The following MYO15B variants were observed in gnomAD, a reference collection of about 807,000 sequenced individuals.
MYO15B encodes myosin XVB.
In MYO15B, 207 loss-of-function variants were observed where a neutral mutation model predicts 119.3. That is an observed-to-expected ratio of 1.73 (90% CI 1.55 to 1.95). The LOEUF is 1.95. Among genes scored for constraint, MYO15B ranks in the 30% most tolerant of loss-of-function variants. MYO15B has a pLI of 0.00. For synonymous variants in MYO15B, 966 were observed against 498.9 expected (o/e 1.94, Z -12.48); for missense variants, 2,264 against 1,203.1 (o/e 1.88, Z -13.04).
chr17:75,603,783 G>A (rs1295649853), intron 19 of MYO15B, among the ~76,000 whole-genome samples: 1 of 152,342 alleles, frequency 6.6e-6, no homozygotes. Flanking sequence ...TCTGTTCCCA[G>A]AGTTCAGAAA....
chr17:75,621,943 G>T, intron 52 of MYO15B, 61 bp from the exon 53 acceptor site: 2 of 695,380 alleles, frequency 2.9e-6, no homozygotes, highest in South Asian at 3.0e-5. Flanking sequence ...GCAACAGCAT[G>T]AGCCGGGGCC....
chr17:75,619,124 C>T lies in MYO15B; in HGVS notation c.6988-19C>T, dbSNP rs1435383104. 5.7e-6 allele frequency: 4 copies of T among 702,816 alleles called. No homozygotes were observed. The South Asian group carries it at 5.9e-5, about 10-fold the overall frequency. The allele number at this position is 702,816 out of a possible 1,614,324, so 43.5% of individuals were successfully genotyped here. On this transcript the variant is annotated intron_variant, in intron 43 of 63. Transcript: ENST00000645453. ...CTCTGTCTCAGGACCTGGTGGTGACCACCTCGCTCTGCCCCCAGATCCTAC... is the reference window on the plus strand; with the variant it reads ...CTCTGTCTCAGGACCTGGTGGTGACTACCTCGCTCTGCCCCCAGATCCTAC...
chr17:75,615,664 G>T (rs146752284), intron 35 of MYO15B, 29 bp from the exon 36 acceptor site: 11,577 of 671,582 alleles, frequency 0.017, 186 homozygotes, highest in Middle Eastern at 0.064. Flanking sequence ...GGGGATGAGG[G>T]TCTGAACTGG....
chr17:75,611,774 C>T, intron 24 of MYO15B, 112 bp from the exon 25 acceptor site: 1 of 693,404 alleles, frequency 1.4e-6, no homozygotes, highest in Non-Finnish European at 2.6e-6. Flanking sequence ...GAGCTCATCA[C>T]TTGGGTCCCT....
At chr17:75,597,663 G>A (rs529977387) in intron 14 of MYO15B, among the ~76,000 whole-genome samples, 3 of 152,212 alleles carry the variant, frequency 2.0e-5, no homozygotes, top group Non-Finnish European at 4.4e-5. Context: ...AGTGGCTCAC[G>A]CCTGTAATCC....
chr17:75,588,319 G>C (rs917853384), exon 1 of MYO15B: 2 of 398,324 alleles, frequency 5.0e-6, no homozygotes, highest in African/African-American at 4.1e-5. Flanking sequence ...GTCCCCGAAA[G>C]CCCAGGAGAG....
chr17:75,617,574 T>TCACAGAGACACA (rs201924814), intron 41 of MYO15B: 51 of 568,128 alleles, frequency 9.0e-5, no homozygotes, highest in Non-Finnish European at 1.3e-4. Context: ...TGTGAGGAAG[T>TCACAGAGACACA]TAGTGGCCCT....
At chr17:75,626,605 C>T (rs559636446) in exon 64 of MYO15B, 36 of 649,940 alleles carry the variant, frequency 5.5e-5, no homozygotes, top group African/African-American at 2.5e-4. Flanking sequence ...ACAGCCCAGC[C>T]GGCCCACATG....
chr17:75,594,945 C>A (rs1485061822), exon 12 of MYO15B: 7 of 702,964 alleles, frequency 1.0e-5, no homozygotes, highest in African/African-American at 5.2e-5. Context: ...TTGGCACCGT[C>A]ACTGTCGTGG....
chr17:75,592,639 G>C (rs564530154), intron 8 of MYO15B, 40 bp from the exon 9 acceptor site: 36 of 671,262 alleles, frequency 5.4e-5, no homozygotes, highest in Non-Finnish European at 9.6e-5. Flanking sequence ...AGGCTATGGG[G>C]TGGCAGGCCC....
chr17:75,596,303 G>C, intron 12 of MYO15B, 157 bp from the exon 13 acceptor site: 1 of 604,984 alleles, frequency 1.7e-6, no homozygotes, highest in Non-Finnish European at 3.0e-6. Flanking sequence ...GAGGTAGCCC[G>C]TGTGCTGTGC....
intron 12 of MYO15B, among the ~76,000 whole-genome samples, chr17:75,595,414 C>T (rs929831821): frequency 6.6e-6 from 1 of 152,138 alleles, no homozygotes; most frequent in African/African-American, 2.4e-5. Flanking sequence ...TGTCCTCCTG[C>T]TGGGAGGAGT....
exon 41 of MYO15B, chr17:75,617,197 T>G (rs2058427154): frequency 2.9e-6 from 2 of 697,456 alleles, no homozygotes; most frequent in Non-Finnish European, 5.2e-6. Context: ...GGGCCCCTTC[T>G]GGACCTGTTT....
intron 29 of MYO15B, 48 bp from the exon 30 acceptor site, chr17:75,614,151 C>A: frequency 4.3e-6 from 3 of 695,268 alleles, no homozygotes; most frequent in Non-Finnish European, 7.9e-6. Context: ...GGTCCTTGCC[C>A]CCTTCTGGAT....
At chr17:75,614,085 G>A in intron 29 of MYO15B, 114 bp from the exon 30 acceptor site, 1 of 637,260 alleles carries the variant, frequency 1.6e-6, no homozygotes. Flanking sequence ...CCCGGACCAG[G>A]CGGATCCAGG....
In MYO15B at chr17:75,614,863, A is replaced by G. The variant is rs2058266604; in HGVS notation, c.5559+14A>G. ...TCCGGCCTCAGCGTGAGTCGGGCAC[A>G]GCCCCCAAATGCCCCTGCCCCAACC... On this transcript the variant is annotated intron_variant, in intron 32 of 63. Transcript: ENST00000645453. The G allele has an allele frequency of 1.3e-5, 9 of 702,698 alleles. No individual in the cohort carries two copies. The highest frequency in any genetic ancestry group is 2.3e-5 in the Non-Finnish European group (9 of 384,992). 43.5% of individuals were successfully genotyped at this position (702,698 alleles called of 1,614,324 possible).
exon 17 of MYO15B, chr17:75,602,935 C>A (rs779761451): frequency 1.4e-6 from 1 of 691,214 alleles, no homozygotes; most frequent in Non-Finnish European, 2.6e-6. Flanking sequence ...CCTCATAGCC[C>A]GGCTGGGCAG....
At chr17:75,607,048 T>G (rs1168509516) in intron 21 of MYO15B, 3 of 398,182 alleles carry the variant, frequency 7.5e-6, no homozygotes, top group African/African-American at 6.2e-5. Flanking sequence ...CCAGGCTGGT[T>G]GGGAAGTCAG....
At position 75,619,559 on chromosome 17, in the gene MYO15B, A is replaced by T. The variant is rs759540670; in HGVS notation, c.7182+83A>T. The T allele has an allele frequency of 7.3e-4, 496 of 683,850 alleles. 2 individuals carry two copies. The highest frequency in any genetic ancestry group is 9.6e-4 in the Non-Finnish European group (359 of 374,016). The allele number at this position is 683,850 out of a possible 1,614,324, so 42.4% of individuals were successfully genotyped here. ...TGCATGGGCACAGACCACAAGCAGGAGAGCCGGGGAGCAGACGCCAGGGGA... is the reference window on the plus strand; with the variant it reads ...TGCATGGGCACAGACCACAAGCAGGTGAGCCGGGGAGCAGACGCCAGGGGA... On this transcript the variant is annotated intron_variant, in intron 45 of 63. Coordinates refer to ENST00000645453, the Ensembl canonical transcript of MYO15B.
Sources: gnomAD v4.1 joint callset for allele counts (sites outside exome capture counted in the v4.1 genomes callset) on GRCh38, gnomAD v4.1.1 for gene constraint, MANE v1.5 for transcripts, NCBI Gene and HGNC (gene_info 2026-07-23, HGNC 2026-07-21) for gene names.